Variants in MCPH1 observed in about 807,000 individuals in gnomAD.
The protein encoded by MCPH1 is microcephalin.
MCPH1 carries 104 observed loss-of-function variants against 84.5 expected under a neutral mutation model. The ratio of observed to expected loss-of-function variants is 1.23; its 90% CI spans 1.05 to 1.45. MCPH1 has a LOEUF of 1.45. Among genes scored for constraint, MCPH1 ranks in the 40% most tolerant of loss-of-function variants. MCPH1 has a pLI of 0.00. For synonymous variants in MCPH1, 514 were observed against 366.8 expected, an observed-to-expected ratio of 1.40 and a Z score of -4.58; for missense variants, 1,498 against 1,005.7, an observed-to-expected ratio of 1.49 and a Z score of -6.62.
chr8:6,468,636 C>T (rs1807302873), intron 9 of MCPH1, among the ~76,000 whole-genome samples: 1 of 137,526 alleles, frequency 7.3e-6, no homozygotes, highest in East Asian at 2.2e-4. Context: ...CTTGGATGTA[C>T]ATTTTTTTGG....
chr8:6,513,089 A>C (rs1021978855), intron 12 of MCPH1, among the ~76,000 whole-genome samples: 3 of 152,242 alleles, frequency 2.0e-5, no homozygotes, highest in Admixed American at 6.5e-5. Flanking sequence ...GATTTTACAA[A>C]TACCTATGAA....
intron 12 of MCPH1, among the ~76,000 whole-genome samples, chr8:6,579,680 A>G (rs146904699): frequency 0.011 from 1,690 of 152,270 alleles, 27 homozygotes; most frequent in African/African-American, 0.038. Context: ...AGTGGTTTGC[A>G]TATTATACTG....
intron 5 of MCPH1, among the ~76,000 whole-genome samples, chr8:6,436,833 G>T (rs1802715145): frequency 6.6e-6 from 1 of 151,914 alleles, no homozygotes; most frequent in Non-Finnish European, 1.5e-5. Flanking sequence ...AGCTGGGAGT[G>T]GTGGCAGGCG....
chr8:6,569,008 G>T (rs576010337), intron 12 of MCPH1, among the ~76,000 whole-genome samples: 1 of 152,186 alleles, frequency 6.6e-6, no homozygotes, highest in Admixed American at 6.5e-5. Context: ...ACTCTTGGGC[G>T]CCTGGCACAC....
intron 13 of MCPH1, chr8:6,626,385 C>T: frequency 1.0e-6 from 1 of 985,130 alleles, no homozygotes; most frequent in Non-Finnish European, 1.2e-6. Flanking sequence ...GTCTTTTTTC[C>T]CTGAAACTGT....
At chr8:6,588,884 C>T (rs1042927871) in intron 12 of MCPH1, among the ~76,000 whole-genome samples, 5 of 152,166 alleles carry the variant, frequency 3.3e-5, no homozygotes, top group South Asian at 2.1e-4. Flanking sequence ...AGAAAAGACT[C>T]GAAAGGGGGC....
intron 12 of MCPH1, among the ~76,000 whole-genome samples, chr8:6,554,535 T>C (rs1440740013): frequency 6.6e-6 from 1 of 152,328 alleles, no homozygotes; most frequent in Middle Eastern, 3.4e-3. Context: ...TAAAATTACA[T>C]ATTTTTACAT....
At chr8:6,432,551 A>C (rs1178719299) in intron 4 of MCPH1, among the ~76,000 whole-genome samples, 1 of 152,202 alleles carries the variant, frequency 6.6e-6, no homozygotes, top group Non-Finnish European at 1.5e-5. Flanking sequence ...TGATTTCTTT[A>C]TCTGAGGGTA....
At position 6,549,131 on chromosome 8, in the gene MCPH1, C is replaced by T. The variant is rs1430350870; in HGVS notation, c.2214+49202C>T. ...TCAGTCAGTCCAACTCCACAGATTT[C>T]AGAGATAGCAGTACAAGAAAAATGA... On this transcript the variant is annotated intron_variant, in intron 12 of 13. Coordinates refer to ENST00000344683, the MANE Select transcript of MCPH1 (RefSeq NM_024596.5). Among the ~76,000 whole-genome samples the T allele has an allele frequency of 3.3e-5, 5 of 152,296 alleles. No individual in the cohort carries two copies. The East Asian group carries it at 9.6e-4, about 29-fold the overall frequency.
intron 12 of MCPH1, among the ~76,000 whole-genome samples, chr8:6,518,209 A>G (rs574191506): frequency 4.6e-5 from 7 of 152,268 alleles, no homozygotes; most frequent in African/African-American, 1.7e-4. Flanking sequence ...TGGCATCCCC[A>G]TTTCACATGC....
At chr8:6,541,407 G>A (rs1356198375) in intron 12 of MCPH1, among the ~76,000 whole-genome samples, 1 of 152,168 alleles carries the variant, frequency 6.6e-6, no homozygotes, top group Non-Finnish European at 1.5e-5. Flanking sequence ...CAGCGCTGGA[G>A]AGGAGAGGAG....
intron 3 of MCPH1, among the ~76,000 whole-genome samples, chr8:6,420,524 C>T (rs1331346712): frequency 6.6e-6 from 1 of 151,752 alleles, no homozygotes; most frequent in African/African-American, 2.4e-5. Flanking sequence ...TTATTTTCTG[C>T]TTTTTTTTCG....
At chr8:6,577,512 A>T (rs1187356801) in intron 12 of MCPH1, among the ~76,000 whole-genome samples, 1 of 152,234 alleles carries the variant, frequency 6.6e-6, no homozygotes, top group African/African-American at 2.4e-5. Flanking sequence ...TAATTTTTCA[A>T]GATTATATGC....
intron 8 of MCPH1, chr8:6,446,647 T>G: frequency 1.0e-6 from 1 of 982,440 alleles, no homozygotes; most frequent in Non-Finnish European, 1.2e-6. Context: ...TATAAAACAA[T>G]AGATGTGTAA....
At chr8:6,626,837 G>A (rs779976963) in intron 13 of MCPH1, 27 of 985,020 alleles carry the variant, frequency 2.7e-5, no homozygotes, top group Non-Finnish European at 3.1e-5. Context: ...CCTCCCTGCT[G>A]CTGTTATCAC....
At chr8:6,424,230 C>G (rs972277601) in intron 3 of MCPH1, among the ~76,000 whole-genome samples, 3 of 152,164 alleles carry the variant, frequency 2.0e-5, no homozygotes, top group Non-Finnish European at 2.9e-5. Flanking sequence ...AAATAAAGGT[C>G]AGCTTGGCCC....
chr8:6,598,261 G>C (rs10112547), intron 12 of MCPH1, among the ~76,000 whole-genome samples: 2,082 of 152,290 alleles, frequency 0.014, 63 homozygotes, highest in African/African-American at 0.047. Context: ...GGGGAAGAGG[G>C]TCTGTAGAGC....
intron 11 of MCPH1, among the ~76,000 whole-genome samples, chr8:6,482,305 T>G (rs1222394191): frequency 6.6e-6 from 1 of 152,230 alleles, no homozygotes; most frequent in Non-Finnish European, 1.5e-5. Context: ...AATGACTCTT[T>G]GACCTGTGAA....
intron 12 of MCPH1, among the ~76,000 whole-genome samples, chr8:6,538,199 A>C (rs1395873635): frequency 6.6e-6 from 1 of 152,072 alleles, no homozygotes; most frequent in Non-Finnish European, 1.5e-5. Context: ...TTCACAAATA[A>C]TTTGAGATTT....
Sources: gnomAD v4.1 joint callset for allele counts (sites outside exome capture counted in the v4.1 genomes callset) on GRCh38, gnomAD v4.1.1 for gene constraint, MANE v1.5 for transcripts, NCBI Gene and HGNC (gene_info 2026-07-23, HGNC 2026-07-21) for gene names.